AOC3: variants seen among roughly 807,000 people sequenced by gnomAD.
The protein encoded by AOC3 is amine oxidase [copper-containing] 3.
A neutral mutation model predicts 55.4 loss-of-function variants in AOC3; 47 were observed. The observed-to-expected ratio is 0.85, with a 90% CI of 0.67 to 1.08. The LOEUF (loss-of-function observed/expected upper bound fraction) is 1.08. AOC3 is among the 50% of genes least tolerant of loss of function. AOC3 has a pLI of 0.00. For synonymous variants in AOC3, 386 were observed against 410.7 expected, an observed-to-expected ratio of 0.94 and a Z score of 0.73; for missense variants, 853 against 993.1, an observed-to-expected ratio of 0.86 and a Z score of 1.90.
At chr17:42,853,701 T>C (rs567324335) in intron 1 of AOC3, among the ~76,000 whole-genome samples, 2 of 152,296 alleles carry the variant, frequency 1.3e-5, no homozygotes, top group Admixed American at 1.3e-4. Flanking sequence ...TCTCTGCTGT[T>C]TTTGCTCTTG....
intron 2 of AOC3, among the ~76,000 whole-genome samples, chr17:42,855,237 A>G (rs973255204): frequency 6.6e-6 from 1 of 152,130 alleles, no homozygotes; most frequent in African/African-American, 2.4e-5. Context: ...TCTGTTTTGG[A>G]TGGGAGAGGG....
intron 1 of AOC3, chr17:42,853,473 G>A (rs750834729): frequency 8.3e-5 from 73 of 876,504 alleles, no homozygotes; most frequent in East Asian, 1.2e-4. Context: ...CATGGATCCC[G>A]TGGAGCATTC....
intron 3 of AOC3, 26 bp downstream of exon 3, chr17:42,855,599 A>C: frequency 6.2e-7 from 1 of 1,614,118 alleles, no homozygotes; most frequent in Non-Finnish European, 8.5e-7. Flanking sequence ...TAGAGGGTAC[A>C]GGATGAGCCT....
At position 42,854,853 on chromosome 17, in the gene AOC3, T is replaced by C. The variant is rs865956951; in HGVS notation, c.1886+120T>C. On this transcript the variant is annotated intron_variant, in intron 2 of 3. Coordinates refer to ENST00000308423, the MANE Select transcript of AOC3 (RefSeq NM_003734.4). Reference sequence around the variant, plus strand: ...CTCTCAGGAAGGCTTTTCTTTTCCTTTTTTTTTTTTTTTTTTGAGATGGAG... The same window carrying C: ...CTCTCAGGAAGGCTTTTCTTTTCCTCTTTTTTTTTTTTTTTTGAGATGGAG... The C allele has an allele frequency of 3.8e-3, 1,795 of 472,522 alleles. 10 individuals are homozygous for C. In the African/African-American group the frequency reaches 0.043, roughly 11 times the overall value. The allele number at this position is 472,522 out of a possible 1,614,324, so 29.3% of individuals were successfully genotyped here.
Position 42,858,094 on chromosome 17 carries a change from C to T in AOC3, c.*1544C>T, listed in dbSNP as rs1278479473. On this transcript the variant is annotated 3_prime_UTR_variant, in exon 4 of 4. Coordinates refer to ENST00000308423, the MANE Select transcript of AOC3 (RefSeq NM_003734.4). ...ATTTTGAACCATGTGACTGTATTAC[C>T]TATTCAAAATAAACAATAAATGGGC... 3 of 151,296 alleles carry T rather than the reference C, an allele frequency of 2.0e-5. No homozygotes were observed. Among genetic ancestry groups the T allele is most frequent in the African/African-American group, 7.3e-5 (3 of 41,048 alleles). 9.4% of individuals were successfully genotyped at this position (151,296 alleles called of 1,614,324 possible). A position where few individuals can be genotyped will look rare whatever the true frequency, so the allele number is the denominator to read the frequency against.
At position 42,851,759 on chromosome 17, in the gene AOC3, G is replaced by T; in HGVS notation, c.416G>T (p.Ser139Ile). ...FFGRQPQPNV[S>I]ELVVGPLPHP... ...GGCAGGCAACCCCAGCCCAACGTGA[G>T]TGAGCTGGTGGTGGGGCCACTGCCT... Residue 139 changes from serine (S) to isoleucine (I), a missense_variant, in exon 1 of 4, where the codon AGT becomes ATT. Ser to Ile is a moderately radical substitution (Grantham distance 142). Coordinates refer to ENST00000308423, the MANE Select transcript of AOC3 (RefSeq NM_003734.4). 1 of 1,612,726 alleles carries T rather than the reference G, an allele frequency of 6.2e-7. No homozygotes were observed. Among genetic ancestry groups the T allele is most frequent in the Non-Finnish European group, 8.5e-7 (1 of 1,179,600 alleles).
intron 1 of AOC3, 94 bp from the exon 2 acceptor site, chr17:42,854,354 C>A: frequency 7.9e-7 from 1 of 1,270,072 alleles, no homozygotes; most frequent in Non-Finnish European, 1.0e-6. Context: ...TTCTGGGCTG[C>A]TCTTTGGCCC....
rs1372676303 is a variant in AOC3, at chr17:42,852,876, G to T, written c.1533G>T (p.Val511=). The change falls in exon 1 of 4, where the codon GTG becomes GTT. Residue 511 remains valine (V), a synonymous_variant. Transcript: ENST00000308423. ...CTACTGGGAAGTACGGGAACCAAGTGTCAGAGCACACCCTGGGCACGGTCC... is the reference window on the plus strand; with the variant it reads ...CTACTGGGAAGTACGGGAACCAAGTTTCAGAGCACACCCTGGGCACGGTCC... The part of the protein sequence containing the change: ...FGATGKYGNQ[V]SEHTLGTVHT... The T allele has an allele frequency of 6.2e-7, 1 of 1,612,954 alleles. No individual in the cohort carries two copies. The highest frequency in any genetic ancestry group is 1.7e-5 in the Admixed American group (1 of 59,990).
At chr17:42,854,401 G>A in intron 1 of AOC3, 47 bp from the exon 2 acceptor site, 4 of 1,444,594 alleles carry the variant, frequency 2.8e-6, no homozygotes, top group Non-Finnish European at 3.7e-6. Flanking sequence ...GTCCAGAGGG[G>A]CCAGGGCAGT....
chr17:42,856,136 A>G, intron 3 of AOC3, 139 bp from the exon 4 acceptor site: 3 of 1,030,746 alleles, frequency 2.9e-6, no homozygotes, highest in Non-Finnish European at 4.3e-6. Context: ...TATGAAATGG[A>G]CTACTTATGC....
intron 2 of AOC3, 135 bp downstream of exon 2, chr17:42,854,868 T>C (rs924491917): frequency 2.2e-6 from 2 of 928,388 alleles, no homozygotes; most frequent in African/African-American, 3.5e-5. Flanking sequence ...TTTTTTTTTT[T>C]TGAGATGGAG....
rs747318022 is a variant in AOC3, at chr17:42,851,523, T to A, written c.180T>A (p.Phe60Leu). The A allele has an allele frequency of 6.2e-7, 1 of 1,614,020 alleles. No individual in the cohort carries two copies. The highest frequency in any genetic ancestry group is 8.5e-7 in the Non-Finnish European group (1 of 1,180,034). Residue 60 changes from phenylalanine to leucine, a missense_variant, in exon 1 of 4, where the codon TTT becomes TTA. Physicochemically the swap from Phe to Leu is conservative, Grantham distance 22. Transcript: ENST00000308423. ...PWTHPGQSQL[F>L]ADLSREELTA... ...CACACCCTGGCCAGAGCCAGCTGTT[T>A]GCAGACCTGAGCCGAGAGGAGCTGA...
Position 42,856,689 on chromosome 17 carries a change from A to G in AOC3, c.*139A>G, listed in dbSNP as rs937296767. 92 of 1,034,092 alleles carry G rather than the reference A, an allele frequency of 8.9e-5. 2 individuals carry two copies. In the South Asian group the frequency reaches 1.3e-3, roughly 15 times the overall value. The allele number at this position is 1,034,092 out of a possible 1,614,324, so 64.1% of individuals were successfully genotyped here. On this transcript the variant is annotated 3_prime_UTR_variant, in exon 4 of 4. Transcript: ENST00000308423. Reference sequence around the variant, plus strand: ...TCTTTCTTCCACTACCCTCCCTCGCATCCGCCTCTGAGCCAGGAGCCTCCT... The same window carrying G: ...TCTTTCTTCCACTACCCTCCCTCGCGTCCGCCTCTGAGCCAGGAGCCTCCT...
intron 1 of AOC3, among the ~76,000 whole-genome samples, chr17:42,853,898 C>A (rs1468407894): frequency 6.6e-6 from 1 of 152,256 alleles, no homozygotes; most frequent in African/African-American, 2.4e-5. Context: ...CACCCAAATT[C>A]TCCATGTCCC....
chr17:42,855,700 T>C, intron 3 of AOC3, 127 bp downstream of exon 3: 2 of 1,333,850 alleles, frequency 1.5e-6, no homozygotes, highest in Non-Finnish European at 2.1e-6. Context: ...TATCTGATCA[T>C]TATCCTTTGA....
chr17:42,852,558 C>T lies in AOC3; in HGVS notation c.1215C>T (p.Pro405=). The T allele has an allele frequency of 6.2e-7, 1 of 1,614,232 alleles. No homozygotes were observed. The highest frequency in any genetic ancestry group is 1.1e-5 in the South Asian group (1 of 91,090). ...CCCTGACCCGTGGGGTGGACTGCCC[C>T]TACTTGGCCACCTACGTGGACTGGC... ...TTPLTRGVDC[P]YLATYVDWHF... is the part of the protein sequence containing the mutation. Residue 405 remains proline (P), a synonymous_variant, in exon 1 of 4, where the codon CCC becomes CCT. Transcript: ENST00000308423.
intron 2 of AOC3, 28 bp from the exon 3 acceptor site, chr17:42,855,416 C>CATGG (rs768946272): frequency 6.3e-7 from 1 of 1,587,538 alleles, no homozygotes; most frequent in South Asian, 1.1e-5. Context: ...GGTCAATGGC[C>CATGG]ATGGAGGCCT....
rs779317793 is a variant in AOC3, at chr17:42,851,755, G to A, written c.412G>A (p.Val138Met). Reference sequence around the variant, plus strand: ...CTTTGGCAGGCAACCCCAGCCCAACGTGAGTGAGCTGGTGGTGGGGCCACT... The same window carrying A: ...CTTTGGCAGGCAACCCCAGCCCAACATGAGTGAGCTGGTGGTGGGGCCACT... Reference protein sequence around the residue: ...VFFGRQPQPNVSELVVGPLPH... With the variant: ...VFFGRQPQPNMSELVVGPLPH... The change falls in exon 1 of 4, where the codon GTG becomes ATG. Residue 138 changes from valine to methionine, a missense_variant. Coordinates refer to ENST00000308423, the MANE Select transcript of AOC3 (RefSeq NM_003734.4). The A allele has an allele frequency of 2.5e-5, 41 of 1,612,362 alleles. No individual in the cohort carries two copies. Among genetic ancestry groups the A allele is most frequent in the Non-Finnish European group, 3.4e-5 (40 of 1,179,446 alleles).
At chr17:42,856,004 G>T (rs2055743511) in intron 3 of AOC3, among the ~76,000 whole-genome samples, 2 of 152,200 alleles carry the variant, frequency 1.3e-5, no homozygotes, top group Admixed American at 1.3e-4. Context: ...AGAGTTAGGG[G>T]AAGAGGAGCT....
Sources: gnomAD v4.1 joint callset for allele counts (sites outside exome capture counted in the v4.1 genomes callset) on GRCh38, gnomAD v4.1.1 for gene constraint, MANE v1.5 for transcripts, NCBI Gene and HGNC (gene_info 2026-07-23, HGNC 2026-07-21) for gene names.